Variants in CDH12 observed in about 807,000 individuals in gnomAD.
CDH12 encodes cadherin 12.
A neutral mutation model predicts 74.1 loss-of-function variants in CDH12; 41 were observed. The ratio of observed to expected loss-of-function variants is 0.55; its 90% CI spans 0.43 to 0.72. The LOEUF (loss-of-function observed/expected upper bound fraction) is 0.72. CDH12 is among the 30% of genes least tolerant of loss of function. The pLI is 0.00. For missense variants in CDH12, 945 were observed against 977.2 expected (o/e 0.97, Z 0.44); for synonymous variants, 399 against 355.0 (o/e 1.12, Z -1.39).
At chr5:22,367,401 T>A (rs995855741) in intron 3 of CDH12, among the ~76,000 whole-genome samples, 4 of 152,350 alleles carry the variant, frequency 2.6e-5, no homozygotes, top group Middle Eastern at 3.4e-3. Context: ...CTGTCTAGAA[T>A]GTTATATAAT....
At chr5:22,353,997 A>G (rs1740460707) in intron 3 of CDH12, among the ~76,000 whole-genome samples, 1 of 152,178 alleles carries the variant, frequency 6.6e-6, no homozygotes, top group African/African-American at 2.4e-5. Flanking sequence ...CCACCTATAC[A>G]AAGGAGAGAC....
chr5:22,426,807 T>G (rs1743958701), intron 2 of CDH12, among the ~76,000 whole-genome samples: 2 of 152,142 alleles, frequency 1.3e-5, no homozygotes, highest in African/African-American at 4.8e-5. Context: ...GTAGAGAAAA[T>G]GGGACTTTTA....
chr5:22,569,804 C>T (rs1321734494), intron 1 of CDH12, among the ~76,000 whole-genome samples: 1 of 152,132 alleles, frequency 6.6e-6, no homozygotes, highest in Non-Finnish European at 1.5e-5. Context: ...CTTGCAGTTA[C>T]TTCCTCTACT....
chr5:22,481,162 G>A (rs1746369681), intron 2 of CDH12, among the ~76,000 whole-genome samples: 1 of 152,148 alleles, frequency 6.6e-6, no homozygotes, highest in South Asian at 2.1e-4. Flanking sequence ...ATCGCCTCAT[G>A]CCTGTTAGGA....
chr5:22,832,197 G>C (rs1051910113), intron 1 of CDH12, among the ~76,000 whole-genome samples: 1 of 152,140 alleles, frequency 6.6e-6, no homozygotes, highest in Non-Finnish European at 1.5e-5. Flanking sequence ...AAACTTTTTT[G>C]AGACTTGGCA....
At chr5:22,771,071 G>C (rs1442341488) in intron 1 of CDH12, among the ~76,000 whole-genome samples, 1 of 151,960 alleles carries the variant, frequency 6.6e-6, no homozygotes, top group African/African-American at 2.4e-5. Context: ...TAAGATAAGA[G>C]ACAACAACCT....
intron 5 of CDH12, among the ~76,000 whole-genome samples, chr5:22,041,759 G>A: frequency 6.6e-6 from 1 of 152,100 alleles, no homozygotes; most frequent in East Asian, 1.9e-4. Flanking sequence ...CAATCAGACA[G>A]AGAAGTAATG....
At chr5:22,256,746 T>C (rs1753332181) in intron 3 of CDH12, among the ~76,000 whole-genome samples, 1 of 152,120 alleles carries the variant, frequency 6.6e-6, no homozygotes, top group Admixed American at 6.6e-5. Context: ...GGCTAATGTG[T>C]GTGTTTGTGC....
intron 6 of CDH12, among the ~76,000 whole-genome samples, chr5:21,956,786 A>C (rs1756119287): frequency 6.6e-6 from 1 of 152,130 alleles, no homozygotes; most frequent in African/African-American, 2.4e-5. Flanking sequence ...TGTTCTTATT[A>C]AGCATTATTA....
At chr5:21,831,343 C>A (rs567482950) in intron 8 of CDH12, among the ~76,000 whole-genome samples, 93 of 152,212 alleles carry the variant, frequency 6.1e-4, no homozygotes, top group Non-Finnish European at 1.1e-3. Context: ...ATCTCTTTTT[C>A]TTTCAGTTTC....
At chr5:22,745,306 C>A (rs1226784684) in intron 1 of CDH12, among the ~76,000 whole-genome samples, 1 of 151,856 alleles carries the variant, frequency 6.6e-6, no homozygotes, top group East Asian at 1.9e-4. Context: ...CATTAAAGAT[C>A]ACCTTGGGAA....
rs567072109 is a variant in CDH12, at chr5:22,446,782, T to A, written c.-427-41431A>T. On this transcript the variant is annotated intron_variant, in intron 2 of 14. Transcript: ENST00000382254. ...GTTATGACCATCTACAACATTTCCA[T>A]AATATATTGATATTTCAAGTCTGAA... is the stretch of plus-strand genomic sequence containing the variant. Among the ~76,000 whole-genome samples, 5 of 152,284 alleles carry A rather than the reference T, an allele frequency of 3.3e-5. No individual in the cohort carries two copies. In the East Asian group the frequency reaches 9.6e-4, roughly 29 times the overall value.
rs552673445 is a variant in CDH12 at position 22,770,644 on chromosome 5, A to C, written c.-523+82414T>G. ...CCAAAACATATACCTATGAGGTGCAATTAATAATATGGTAGCAGCTAGTTA... is the reference window on the plus strand; with the variant it reads ...CCAAAACATATACCTATGAGGTGCACTTAATAATATGGTAGCAGCTAGTTA... On this transcript the variant is annotated intron_variant, in intron 1 of 14. Coordinates refer to ENST00000382254, the MANE Select transcript of CDH12 (RefSeq NM_004061.5). 1.1e-4 allele frequency among the ~76,000 whole-genome samples: 16 copies of C among 152,282 alleles called. No homozygotes were observed. The South Asian group carries it at 2.9e-3, about 28-fold the overall frequency.
chr5:21,808,756 C>T (rs1025799976), intron 9 of CDH12, among the ~76,000 whole-genome samples: 8 of 151,854 alleles, frequency 5.3e-5, no homozygotes, highest in East Asian at 1.9e-4. Context: ...TGGGAAGAGA[C>T]GTGGGAGAGT....
chr5:22,727,330 A>G (rs1744210913), intron 1 of CDH12, among the ~76,000 whole-genome samples: 1 of 151,786 alleles, frequency 6.6e-6, no homozygotes, highest in Non-Finnish European at 1.5e-5. Context: ...AAATATTTTT[A>G]AAAGAAGATT....
intron 6 of CDH12, among the ~76,000 whole-genome samples, chr5:21,916,656 A>G (rs1053986906): frequency 6.6e-6 from 1 of 152,080 alleles, no homozygotes; most frequent in African/African-American, 2.4e-5. Flanking sequence ...AGTCCCTCCA[A>G]ACTTGGGCCT....
intron 1 of CDH12, among the ~76,000 whole-genome samples, chr5:22,832,245 G>A (rs1281457033): frequency 6.6e-6 from 1 of 152,112 alleles, no homozygotes; most frequent in Admixed American, 6.6e-5. Flanking sequence ...TTGCTTGGAA[G>A]ATTATTGGAG....
intron 1 of CDH12, among the ~76,000 whole-genome samples, chr5:22,595,938 A>G (rs1010831052): frequency 2.0e-5 from 3 of 148,924 alleles, no homozygotes; most frequent in Admixed American, 1.3e-4. Context: ...AAATAAAAAT[A>G]AATAAAAAAA....
At chr5:22,391,159 A>G (rs1233326140) in intron 3 of CDH12, among the ~76,000 whole-genome samples, 2 of 152,120 alleles carry the variant, frequency 1.3e-5, no homozygotes, top group Non-Finnish European at 2.9e-5. Flanking sequence ...TATACTACAG[A>G]GTGTTGCAGA....
Sources: allele counts gnomAD v4.1 joint callset (sites outside exome capture counted in the v4.1 genomes callset), GRCh38; gene constraint gnomAD v4.1.1; transcripts MANE v1.5; gene names NCBI Gene and HGNC (gene_info 2026-07-23, HGNC 2026-07-21).